The following PLPP1 variants were observed in gnomAD, a reference collection of about 807,000 sequenced individuals.
PLPP1 encodes the protein phospholipid phosphatase 1, also known as lipid phosphate phosphohydrolase 1a.
PLPP1 carries 24 observed loss-of-function variants against 31.2 expected under a neutral mutation model. The observed-to-expected ratio is 0.77, with a 90% CI of 0.56 to 1.08. The LOEUF (loss-of-function observed/expected upper bound fraction) is 1.08, where lower values mean the gene tolerates loss of function less well. Among genes scored for constraint, PLPP1 ranks in the 50% least tolerant of loss-of-function variants. PLPP1 has a pLI of 0.00. For synonymous variants in PLPP1, 146 were observed against 126.3 expected, an observed-to-expected ratio of 1.16 and a Z score of -1.05; for missense variants, 319 against 342.7, an observed-to-expected ratio of 0.93 and a Z score of 0.55.
intron 4 of PLPP1, among the ~76,000 whole-genome samples, chr5:55,437,806 AGGCTAT>A (rs1165368819): frequency 6.6e-6 from 1 of 152,254 alleles, no homozygotes; most frequent in Non-Finnish European, 1.5e-5. Flanking sequence ...CAAGGTTCGT[AGGCTAT>A]GGGCCATGAG....
At chr5:55,504,759 G>A (rs1010305456) in intron 1 of PLPP1, among the ~76,000 whole-genome samples, 2 of 151,146 alleles carry the variant, frequency 1.3e-5, no homozygotes, top group Non-Finnish European at 2.9e-5. Flanking sequence ...CAGAAGACTG[G>A]AATTAACACT....
rs532286486 is a variant in PLPP1, at chr5:55,511,563, A to T, written c.58+23009T>A. Among the ~76,000 whole-genome samples the T allele has an allele frequency of 6.6e-5, 10 of 151,514 alleles. No homozygotes were observed. In the South Asian group the frequency reaches 2.1e-3, roughly 32 times the overall value. ...AAGCAACCAAAATGTTAAAAGGGGTAATCTTTGGATGATGGTGAGAATATT... is the reference window on the plus strand; with the variant it reads ...AAGCAACCAAAATGTTAAAAGGGGTTATCTTTGGATGATGGTGAGAATATT... On this transcript the variant is annotated intron_variant, in intron 1 of 5. Coordinates refer to ENST00000307259, the MANE Select transcript of PLPP1 (RefSeq NM_003711.4).
intron 3 of PLPP1, among the ~76,000 whole-genome samples, chr5:55,453,582 TTAAC>T (rs559636752): frequency 5.6e-4 from 86 of 152,360 alleles, no homozygotes; most frequent in African/African-American, 2.0e-3. Context: ...GGCAGTCAGA[TTAAC>T]TGAGTAAATA....
chr5:55,490,365 G>C (rs1752864141), intron 1 of PLPP1, among the ~76,000 whole-genome samples: 1 of 151,842 alleles, frequency 6.6e-6, no homozygotes. Context: ...GGTCAGGCTG[G>C]TCTCGAACTC....
intron 1 of PLPP1, among the ~76,000 whole-genome samples, chr5:55,527,888 T>G: frequency 6.6e-6 from 1 of 152,172 alleles, no homozygotes; most frequent in South Asian, 2.1e-4. Context: ...AAGAGGGAAC[T>G]AGCTTTTAGG....
chr5:55,504,019 C>T (rs1753207059), intron 1 of PLPP1, among the ~76,000 whole-genome samples: 2 of 151,462 alleles, frequency 1.3e-5, no homozygotes, highest in African/African-American at 4.9e-5. Context: ...TCACACCTGT[C>T]ATCTCAGCAC....
At chr5:55,447,205 A>G (rs568753052) in intron 3 of PLPP1, among the ~76,000 whole-genome samples, 7 of 152,326 alleles carry the variant, frequency 4.6e-5, no homozygotes, top group Non-Finnish European at 7.4e-5. Context: ...TTAAAAGAAC[A>G]CTTAGAACTA....
chr5:55,530,411 CA>C, intron 1 of PLPP1: 3 of 1,266,344 alleles, frequency 2.4e-6, no homozygotes, highest in Non-Finnish European at 3.5e-6. Context: ...ATTCTTGACA[CA>C]GGGGACACTT....
intron 1 of PLPP1, chr5:55,530,506 T>G: frequency 1.7e-6 from 2 of 1,198,930 alleles, no homozygotes; most frequent in Non-Finnish European, 2.5e-6. Flanking sequence ...CTATTGCTGT[T>G]CCCTACTGAA....
At position 55,463,258 on chromosome 5, in the gene PLPP1, C is replaced by T. The variant is rs1345007439; in HGVS notation, c.491+4611G>A. 3.3e-5 allele frequency among the ~76,000 whole-genome samples: 5 copies of T among 151,958 alleles called. No homozygotes were observed. The East Asian group carries it at 5.8e-4, about 18-fold the overall frequency. On this transcript the variant is annotated intron_variant, in intron 3 of 5. Transcript: ENST00000307259. ...CATGTGGGGCTTAAAAACTAGATGACGGGTTGATAGGTGCAGCAAACCACC... is the reference window on the plus strand; with the variant it reads ...CATGTGGGGCTTAAAAACTAGATGATGGGTTGATAGGTGCAGCAAACCACC...
chr5:55,512,092 G>A (rs1753427838), intron 1 of PLPP1, among the ~76,000 whole-genome samples: 2 of 151,584 alleles, frequency 1.3e-5, no homozygotes, highest in Admixed American at 6.6e-5. Context: ...TAGCGCCATT[G>A]CACTCCAGCC....
At chr5:55,471,793 C>A (rs2111798941) in intron 2 of PLPP1, among the ~76,000 whole-genome samples, 1 of 152,162 alleles carries the variant, frequency 6.6e-6, no homozygotes, top group Admixed American at 6.5e-5. Flanking sequence ...CTGAAAGAGG[C>A]TGAGTTAATG....
intron 3 of PLPP1, among the ~76,000 whole-genome samples, chr5:55,445,900 T>A (rs1182022107): frequency 2.6e-5 from 4 of 152,154 alleles, no homozygotes; most frequent in African/African-American, 9.7e-5. Flanking sequence ...ATTGATGACT[T>A]TTTTTCTCAT....
In PLPP1 at chr5:55,534,583, C is replaced by T. The variant is rs767474511; in HGVS notation, c.47G>A (p.Cys16Tyr). ...RLPYVALDVL[C>Y]VLLAGLPFAI... Reference sequence around the variant, plus strand: ...CGGCGCGTACGTACCCAGCAACACGCAGAGCACATCGAGGGCCACGTACGG... The same window carrying T: ...CGGCGCGTACGTACCCAGCAACACGTAGAGCACATCGAGGGCCACGTACGG... Residue 16 changes from cysteine to tyrosine, a missense_variant, in exon 1 of 6, where the codon TGC becomes TAC. Physicochemically the swap from Cys to Tyr is radical, Grantham distance 194 (BLOSUM62 -2). Coordinates refer to ENST00000307259, the MANE Select transcript of PLPP1 (RefSeq NM_003711.4). The T allele has an allele frequency of 4.5e-6, 7 of 1,554,906 alleles. No homozygotes were observed. The highest frequency in any genetic ancestry group is 6.1e-6 in the Non-Finnish European group (7 of 1,152,578).
At chr5:55,531,061 A>G (rs554364517) in intron 1 of PLPP1, among the ~76,000 whole-genome samples, 1 of 152,360 alleles carries the variant, frequency 6.6e-6, no homozygotes, top group Admixed American at 6.5e-5. Context: ...GATAATGTAT[A>G]TGGCCTGTTC....
At chr5:55,504,439 C>T (rs1008467852) in intron 1 of PLPP1, among the ~76,000 whole-genome samples, 3 of 137,100 alleles carry the variant, frequency 2.2e-5, no homozygotes, top group East Asian at 2.2e-4. Context: ...GGAGGAGAAG[C>T]GCTTGAACCC....
At chr5:55,509,984 G>C (rs568156760) in intron 1 of PLPP1, among the ~76,000 whole-genome samples, 1 of 152,172 alleles carries the variant, frequency 6.6e-6, no homozygotes, top group South Asian at 2.1e-4. Context: ...AAAGCAAGGA[G>C]ATAACTGAGG....
intron 1 of PLPP1, among the ~76,000 whole-genome samples, chr5:55,526,568 C>G (rs1043054549): frequency 6.8e-6 from 1 of 146,612 alleles, no homozygotes; most frequent in Non-Finnish European, 1.5e-5. Flanking sequence ...TAGAGAAAAA[C>G]AACAACAACG....
intron 4 of PLPP1, among the ~76,000 whole-genome samples, chr5:55,441,397 A>T (rs1325030677): frequency 6.6e-6 from 1 of 152,212 alleles, no homozygotes; most frequent in Non-Finnish European, 1.5e-5. Flanking sequence ...GCACTCTGGG[A>T]ATGTTTTAGA....
Sources: gnomAD v4.1 joint callset for allele counts (sites outside exome capture counted in the v4.1 genomes callset) on GRCh38, gnomAD v4.1.1 for gene constraint, MANE v1.5 for transcripts, NCBI Gene and HGNC (gene_info 2026-07-23, HGNC 2026-07-21) for gene names.